Variants in TRIM39 observed in about 807,000 individuals in gnomAD.
TRIM39 encodes the protein E3 ubiquitin-protein ligase TRIM39.
Under a neutral mutation model 53.6 loss-of-function variants are expected in TRIM39, and 5 were observed. The ratio of observed to expected loss-of-function variants is 0.09; its 90% confidence interval spans 0.05 to 0.20. TRIM39 has a LOEUF of 0.20. Ranked by LOEUF, TRIM39 falls within the 10% of genes least tolerant of loss-of-function variation. TRIM39 has a pLI of 1.00. For missense variants in TRIM39, 310 were observed against 621.0 expected (o/e 0.50, Z 5.32); for synonymous variants, 196 against 237.6 (o/e 0.82, Z 1.61).
Position 30,335,593 on chromosome 6 carries a change from G to A in TRIM39, c.550-152G>A, listed in dbSNP as rs1421411368. 9 of 1,078,248 alleles carry A rather than the reference G, an allele frequency of 8.3e-6. 1 individual carries two copies. Among genetic ancestry groups the A allele is most frequent in the South Asian group, 3.3e-5 (2 of 60,140 alleles). The allele number at this position is 1,078,248 out of a possible 1,614,324, so 66.8% of individuals were successfully genotyped here. A position where few individuals can be genotyped will look rare whatever the true frequency, so the allele number is the denominator to read the frequency against. Reference sequence around the variant, plus strand: ...CTCCCTCGGCCTCCCAAAGTCCTGGGATTACAGTCATGTGTCACCACACCC... The same window carrying A: ...CTCCCTCGGCCTCCCAAAGTCCTGGAATTACAGTCATGTGTCACCACACCC... On this transcript the variant is annotated intron_variant, in intron 4 of 7. Transcript: ENST00000396551. This position sits in a 1 kb window ranked among gnomAD's most constrained non-coding sequence, Gnocchi z 4.7.
At chr6:30,331,048 T>C (rs144169876) in intron 4 of TRIM39, among the ~76,000 whole-genome samples, 172 bp downstream of exon 4, 3 of 152,312 alleles carry the variant, frequency 2.0e-5, no homozygotes, top group Admixed American at 6.5e-5. Context: ...GGTGGGCAGA[T>C]TGCTTGAGCT....
chr6:30,329,567 C>T, exon 3 of TRIM39: 2 of 1,613,110 alleles, frequency 1.2e-6, no homozygotes, highest in Non-Finnish European at 1.7e-6. Context: ...TAATCGGCAA[C>T]TAGGCAGTAT....
At position 30,337,588 on chromosome 6, in the gene TRIM39, CT is replaced by C. The variant is rs1278892094; in HGVS notation, c.780+1614del. The stretch of plus-strand genomic sequence containing the variant: ...AATTAAAAACATTCAGTATACCATG[CT>C]GTATACAGGTGTACTGTCATGTAGG... On this transcript the variant is annotated intron_variant, in intron 5 of 7. Transcript: ENST00000396551. 2.0e-5 allele frequency among the ~76,000 whole-genome samples: 3 copies of C among 152,252 alleles called. No individual in the cohort carries two copies. The East Asian group carries it at 5.8e-4, about 29-fold the overall frequency.
At chr6:30,340,611 C>G in exon 7 of TRIM39, 1 of 1,611,608 alleles carries the variant, frequency 6.2e-7, no homozygotes. Context: ...AATCCTTAAA[C>G]AGCTAATTGG....
chr6:30,329,294 T>A lies in TRIM39; in HGVS notation c.-7-17T>A. 6.3e-7 allele frequency: 1 copy of A among 1,594,156 alleles called. No homozygotes were observed. The highest frequency in any genetic ancestry group is 8.5e-7 in the Non-Finnish European group (1 of 1,170,512). On this transcript the variant is annotated splice_polypyrimidine_tract_variant and intron_variant, in intron 2 of 7. Coordinates refer to ENST00000396551, the Ensembl canonical transcript of TRIM39. ...ATTAATATTTTTATTTTCTCTGTCC[T>A]CTTCCCCACTCCCAAGTTAAATTAT...
chr6:30,336,737 G>A lies in TRIM39; in HGVS notation c.780+762G>A, dbSNP rs371859768. Among the ~76,000 whole-genome samples, 36 of 152,244 alleles carry A rather than the reference G, an allele frequency of 2.4e-4. 4 individuals are homozygous for A. The highest frequency in any genetic ancestry group is 1.9e-3 in the East Asian group (10 of 5,188). On this transcript the variant is annotated intron_variant, in intron 5 of 7. Transcript: ENST00000396551. ...TTGAACCCCTAAAAGTCATCCATAA[G>A]GGTTGGAATAGACTTCTTCTAAATG...
exon 8 of TRIM39, chr6:30,341,927 G>A (rs1414959975): frequency 6.2e-7 from 1 of 1,613,102 alleles, no homozygotes; most frequent in Non-Finnish European, 8.5e-7. Flanking sequence ...GGCAGTGGGT[G>A]TATGCCGGGA....
At chr6:30,330,335 A>G (rs1582006127) in intron 3 of TRIM39, among the ~76,000 whole-genome samples, 1 of 152,258 alleles carries the variant, frequency 6.6e-6, no homozygotes, top group Non-Finnish European at 1.5e-5. Context: ...TACTTTGCTT[A>G]GTTATGTTAC....
At chr6:30,326,939 G>C (rs1785390535) in exon 1 of TRIM39, 1 of 152,296 alleles carries the variant, frequency 6.6e-6, no homozygotes, top group Non-Finnish European at 1.5e-5. Context: ...GGAGGAAGGA[G>C]GGAGGCAGCG....
exon 1 of TRIM39, chr6:30,326,952 C>T (rs1026380980): frequency 6.6e-6 from 1 of 152,298 alleles, no homozygotes; most frequent in Non-Finnish European, 1.5e-5. Context: ...AGGCAGCGCT[C>T]CGGCGGCTCC....
chr6:30,329,275 A>G (rs1785831859), intron 2 of TRIM39, 36 bp from the exon 3 acceptor site: 1 of 1,539,692 alleles, frequency 6.5e-7, no homozygotes, highest in Non-Finnish European at 8.7e-7. Flanking sequence ...TCCAATTAAT[A>G]TTTTTATTTT....
intron 5 of TRIM39, among the ~76,000 whole-genome samples, chr6:30,337,355 A>G (rs143113783): frequency 6.6e-6 from 1 of 152,168 alleles, no homozygotes; most frequent in South Asian, 2.1e-4. Context: ...CAGTGAGCCA[A>G]GATCATGCAG....
At chr6:30,329,142 A>C (rs1336306268) in intron 2 of TRIM39, 101 bp downstream of exon 2, 1 of 796,090 alleles carries the variant, frequency 1.3e-6, no homozygotes, top group African/African-American at 1.8e-5. Context: ...ATGGAGAAAC[A>C]AAGAGGTTGA....
exon 8 of TRIM39, chr6:30,341,979 C>G: frequency 6.2e-7 from 1 of 1,613,112 alleles, no homozygotes; most frequent in East Asian, 2.2e-5. Context: ...CTCCCTGAGA[C>G]TGGCTACTGG....
At chr6:30,329,398 G>T (rs750677160) in exon 3 of TRIM39, 1 of 1,613,054 alleles carries the variant, frequency 6.2e-7, no homozygotes, top group South Asian at 1.1e-5. Flanking sequence ...AGGTGGAGGC[G>T]AGCTGCTCTG....
At chr6:30,333,552 A>T (rs1290999770) in intron 4 of TRIM39, among the ~76,000 whole-genome samples, 2 of 151,570 alleles carry the variant, frequency 1.3e-5, no homozygotes, top group African/African-American at 4.9e-5. Flanking sequence ...TAGTAGAGAC[A>T]GGGTTTCACC....
At chr6:30,330,990 C>A in intron 4 of TRIM39, 114 bp downstream of exon 4, 1 of 1,264,228 alleles carries the variant, frequency 7.9e-7, no homozygotes, top group Non-Finnish European at 1.1e-6. Context: ...GCAGTTCTCG[C>A]CGGACATGGT....
chr6:30,333,218 G>T (rs1163265867), intron 4 of TRIM39, among the ~76,000 whole-genome samples: 1 of 151,998 alleles, frequency 6.6e-6, no homozygotes, highest in Non-Finnish European at 1.5e-5. Context: ...AAAGTTCTAA[G>T]TATAACAATA....
In TRIM39 at chr6:30,339,889, C is replaced by A; in HGVS notation, c.781-19C>A. On this transcript the variant is annotated intron_variant, in intron 5 of 7. Coordinates refer to ENST00000396551, the Ensembl canonical transcript of TRIM39. This position sits in a 1 kb window ranked among gnomAD's most constrained non-coding sequence, Gnocchi z 4.2. ...TGAATACCAGGACCAATATTGCTTT[C>A]TTTTCTCCTTCCTTCTAGGATGTCA... is the stretch of plus-strand genomic sequence containing the variant. The A allele has an allele frequency of 6.2e-7, 1 of 1,614,088 alleles. No individual in the cohort carries two copies. Among genetic ancestry groups the A allele is most frequent in the East Asian group, 2.2e-5 (1 of 44,886 alleles).
Sources: gnomAD v4.1 joint callset for allele counts (sites outside exome capture counted in the v4.1 genomes callset) on GRCh38, gnomAD v4.1.1 for gene constraint, Gnocchi (gnomAD v3.1) non-coding constraint, MANE v1.5 for transcripts, NCBI Gene and HGNC (gene_info 2026-07-23, HGNC 2026-07-21) for gene names.